SNX7: variants seen among roughly 807,000 people sequenced by gnomAD.
SNX7 encodes sorting nexin-7.
Under a neutral mutation model 48.4 loss-of-function variants are expected in SNX7, and 35 were observed. The observed-to-expected ratio is 0.72, with a 90% CI of 0.55 to 0.96. The LOEUF (loss-of-function observed/expected upper bound fraction) is 0.96. Among genes scored for constraint, SNX7 ranks in the 40% least tolerant of loss-of-function variants. The pLI is 0.00. For synonymous variants in SNX7, 190 were observed against 190.2 expected, an observed-to-expected ratio of 1.00 and a Z score of 0.01; for missense variants, 553 against 548.9, an observed-to-expected ratio of 1.01 and a Z score of -0.07.
At chr1:98,671,160 A>G (rs1649842881) in intron 1 of SNX7, among the ~76,000 whole-genome samples, 1 of 152,174 alleles carries the variant, frequency 6.6e-6, no homozygotes, top group East Asian at 1.9e-4. Flanking sequence ...ATGTTTATTT[A>G]TTTGTGTCCC....
chr1:98,686,299 A>G (rs1212721110), intron 2 of SNX7, among the ~76,000 whole-genome samples: 1 of 152,204 alleles, frequency 6.6e-6, no homozygotes, highest in African/African-American at 2.4e-5. Flanking sequence ...TATCAAAAGC[A>G]TATATTTAAT....
At chr1:98,753,393 C>T (rs138249383) in intron 8 of SNX7, among the ~76,000 whole-genome samples, 88 of 152,110 alleles carry the variant, frequency 5.8e-4, no homozygotes, top group African/African-American at 1.8e-3. Context: ...TTAGCATGGA[C>T]GACTACTGAA....
intron 1 of SNX7, among the ~76,000 whole-genome samples, chr1:98,668,921 C>A (rs1314562433): frequency 6.6e-6 from 1 of 152,166 alleles, no homozygotes; most frequent in Non-Finnish European, 1.5e-5. Flanking sequence ...GACTAACTGT[C>A]CCAGAGGAGA....
intron 7 of SNX7, among the ~76,000 whole-genome samples, chr1:98,723,823 T>G (rs1244249956): frequency 6.6e-6 from 1 of 151,934 alleles, no homozygotes; most frequent in East Asian, 1.9e-4. Flanking sequence ...ATCGCATGAC[T>G]GCACTCCAGC....
chr1:98,679,256 C>G (rs914029904), intron 1 of SNX7, among the ~76,000 whole-genome samples: 66 of 152,218 alleles, frequency 4.3e-4, no homozygotes, highest in African/African-American at 1.6e-3. Flanking sequence ...TCTCGTGAAA[C>G]GTATTCATTG....
chr1:98,750,134 ATTAG>A (rs1654510529), intron 8 of SNX7, among the ~76,000 whole-genome samples: 1 of 151,992 alleles, frequency 6.6e-6, no homozygotes. Context: ...CATTATTATT[ATTAG>A]GTAAATGTCT....
intron 2 of SNX7, among the ~76,000 whole-genome samples, chr1:98,686,048 TA>T (rs555187402): frequency 5.1e-4 from 78 of 152,286 alleles, no homozygotes; most frequent in Non-Finnish European, 9.4e-4. Context: ...TCTGAATATT[TA>T]GGGGATCTCT....
intron 7 of SNX7, among the ~76,000 whole-genome samples, chr1:98,735,419 A>G (rs1653723105): frequency 6.6e-6 from 1 of 152,128 alleles, no homozygotes; most frequent in African/African-American, 2.4e-5. Context: ...TCAAAGAAAG[A>G]AGAAAACTCT....
intron 1 of SNX7, among the ~76,000 whole-genome samples, chr1:98,676,394 T>A (rs930626528): frequency 6.6e-6 from 1 of 152,214 alleles, no homozygotes; most frequent in African/African-American, 2.4e-5. Context: ...GTCTGATTAA[T>A]CCAACTGAAA....
chr1:98,693,311 A>G (rs1209633337), intron 4 of SNX7, among the ~76,000 whole-genome samples: 2 of 152,034 alleles, frequency 1.3e-5, no homozygotes, highest in Admixed American at 6.6e-5. Context: ...TTTTTCTTTT[A>G]TTCTATAAAG....
intron 1 of SNX7, among the ~76,000 whole-genome samples, chr1:98,683,132 TA>T (rs1375364061): frequency 6.6e-6 from 1 of 152,212 alleles, no homozygotes; most frequent in Non-Finnish European, 1.5e-5. Context: ...CATGGTTTTT[TA>T]AAAAGTGTTT....
At chr1:98,706,766 G>A (rs533264861) in intron 7 of SNX7, among the ~76,000 whole-genome samples, 2 of 152,250 alleles carry the variant, frequency 1.3e-5, no homozygotes, top group South Asian at 2.1e-4. Context: ...TTGCTATTTG[G>A]TGGGCTGTGG....
At chr1:98,699,579 T>A (rs1651646307) in intron 6 of SNX7, among the ~76,000 whole-genome samples, 1 of 152,174 alleles carries the variant, frequency 6.6e-6, no homozygotes, top group Non-Finnish European at 1.5e-5. Context: ...TTTAGGGTGG[T>A]GATGGGGACA....
At chr1:98,757,702 A>G (rs976610159) in intron 8 of SNX7, among the ~76,000 whole-genome samples, 1 of 149,638 alleles carries the variant, frequency 6.7e-6, no homozygotes, top group East Asian at 2.0e-4. Flanking sequence ...GTTGAAAACC[A>G]TTGCTTTATA....
At chr1:98,666,703 G>C (rs1649554783) in intron 1 of SNX7, among the ~76,000 whole-genome samples, 1 of 152,112 alleles carries the variant, frequency 6.6e-6, no homozygotes, top group Non-Finnish European at 1.5e-5. Context: ...TGCTTTCCTT[G>C]AACTTGGGTG....
chr1:98,673,538 C>A (rs1649992163), intron 1 of SNX7, among the ~76,000 whole-genome samples: 2 of 152,198 alleles, frequency 1.3e-5, no homozygotes, highest in South Asian at 4.1e-4. Context: ...TCCCTCTCAA[C>A]TAAAGTATAA....
intron 7 of SNX7, among the ~76,000 whole-genome samples, chr1:98,709,581 A>G (rs1406159609): frequency 1.3e-5 from 2 of 152,164 alleles, no homozygotes; most frequent in Non-Finnish European, 2.9e-5. Context: ...CAACAGCACT[A>G]TTTTATATTT....
chr1:98,734,633 A>G (rs1361949053), intron 7 of SNX7, among the ~76,000 whole-genome samples: 1 of 152,194 alleles, frequency 6.6e-6, no homozygotes, highest in Non-Finnish European at 1.5e-5. Flanking sequence ...AAAAATAGTC[A>G]TGATTACTGC....
At chr1:98,677,619 C>T (rs1310013347) in intron 1 of SNX7, among the ~76,000 whole-genome samples, 1 of 152,124 alleles carries the variant, frequency 6.6e-6, no homozygotes, top group African/African-American at 2.4e-5. Flanking sequence ...GTGACTCATG[C>T]CTGTAATCCC....
Sources: allele counts gnomAD v4.1 joint callset (sites outside exome capture counted in the v4.1 genomes callset), GRCh38; gene constraint gnomAD v4.1.1; transcripts MANE v1.5; gene names NCBI Gene and HGNC (gene_info 2026-07-23, HGNC 2026-07-21).